Variants in EPS15L1 observed in about 807,000 individuals in gnomAD.
The protein encoded by EPS15L1 is epidermal growth factor receptor pathway substrate 15 like 1, also known as epidermal growth factor receptor substrate 15-like 1.
Under a neutral mutation model 117.1 loss-of-function variants are expected in EPS15L1, and 43 were observed. The ratio of observed to expected loss-of-function variants is 0.37; its 90% CI spans 0.29 to 0.47. The LOEUF is 0.47. Among genes scored for constraint, EPS15L1 ranks in the 20% least tolerant of loss-of-function variants. The pLI is 0.99. For synonymous variants in EPS15L1, 459 were observed against 470.5 expected, an observed-to-expected ratio of 0.98 and a Z score of 0.32; for missense variants, 981 against 1,164.0, an observed-to-expected ratio of 0.84 and a Z score of 2.29.
intron 22 of EPS15L1, among the ~76,000 whole-genome samples, chr19:16,363,262 G>A (rs949559129): frequency 3.3e-5 from 5 of 152,154 alleles, no homozygotes; most frequent in Admixed American, 1.3e-4. Context: ...ACACGATTCC[G>A]GCGTGTTAAC....
chr19:16,358,602 G>T (rs1260346115), intron 23 of EPS15L1, among the ~76,000 whole-genome samples: 1 of 152,048 alleles, frequency 6.6e-6, no homozygotes, highest in Non-Finnish European at 1.5e-5. Flanking sequence ...ATTTTCAGAA[G>T]CAAATAAGTG....
chr19:16,445,243 C>T (rs1438015745), intron 1 of EPS15L1, among the ~76,000 whole-genome samples: 1 of 152,184 alleles, frequency 6.6e-6, no homozygotes, highest in Admixed American at 6.5e-5. Context: ...GAGCTCCAAC[C>T]TCTGCCCATC....
intron 22 of EPS15L1, among the ~76,000 whole-genome samples, chr19:16,369,251 GCACAGCC>G (rs2092186368): frequency 6.6e-6 from 1 of 152,200 alleles, no homozygotes; most frequent in South Asian, 2.1e-4. Context: ...GTGTCAAGCA[GCACAGCC>G]CCGGGAGATA....
At chr19:16,442,340 G>T in intron 1 of EPS15L1, 121 bp from the exon 2 acceptor site, 1 of 702,306 alleles carries the variant, frequency 1.4e-6, no homozygotes, top group Non-Finnish European at 2.5e-6. Context: ...CAAAATGCAT[G>T]CACTTTAAAC....
At chr19:16,439,062 T>G (rs562612676) in intron 4 of EPS15L1, among the ~76,000 whole-genome samples, 10 of 149,676 alleles carry the variant, frequency 6.7e-5, no homozygotes, top group Non-Finnish European at 1.3e-4. Flanking sequence ...TCACTTAGCT[T>G]GTTTTTTTTC....
In EPS15L1 at chr19:16,428,577, GGAAAA is replaced by G. The variant is rs567923417; in HGVS notation, c.558+120_558+124del. On this transcript the variant is annotated intron_variant, in intron 8 of 23. Coordinates refer to ENST00000455140, the MANE Select transcript of EPS15L1 (RefSeq NM_001258374.3). Reference sequence around the variant, plus strand: ...GAAAGGAAAAGAAAGGAAAAGGAAAGGAAAAGAAAAGAAAAGAAAAGAAAAAAGAA... The same window carrying G: ...GAAAGGAAAAGAAAGGAAAAGGAAAGGAAAAGAAAAGAAAAGAAAAAAGAA... 3.1e-3 allele frequency: 2,051 copies of G among 670,858 alleles called. 28 individuals are homozygous for G. Among genetic ancestry groups the G allele is most frequent in the African/African-American group, 0.03 (1,574 of 52,832 alleles). 41.6% of individuals were successfully genotyped at this position (670,858 alleles called of 1,614,324 possible).
chr19:16,451,247 G>T (rs928870161), intron 1 of EPS15L1, among the ~76,000 whole-genome samples: 11 of 152,040 alleles, frequency 7.2e-5, no homozygotes, highest in Non-Finnish European at 1.3e-4. Context: ...CACCGCGCCC[G>T]CCCAGACTCT....
chr19:16,470,187 G>A (rs1002203652), intron 1 of EPS15L1, among the ~76,000 whole-genome samples: 5 of 151,976 alleles, frequency 3.3e-5, no homozygotes, highest in African/African-American at 1.2e-4. Context: ...TTTGACACGA[G>A]CCTCGCCAAA....
At chr19:16,412,052 T>C (rs545150427) in intron 13 of EPS15L1, among the ~76,000 whole-genome samples, 1 of 152,332 alleles carries the variant, frequency 6.6e-6, no homozygotes, top group Non-Finnish European at 1.5e-5. Context: ...ATAATGTAAA[T>C]GCTATGTAAA....
At chr19:16,380,229 C>G (rs997940881) in intron 21 of EPS15L1, among the ~76,000 whole-genome samples, 3 of 151,898 alleles carry the variant, frequency 2.0e-5, no homozygotes, top group Non-Finnish European at 4.4e-5. Context: ...AAGCGGCCAT[C>G]TAAGGCTCCA....
chr19:16,471,099 C>T lies in EPS15L1; in HGVS notation c.33+814G>A, dbSNP rs907869309. 9.9e-5 allele frequency among the ~76,000 whole-genome samples: 15 copies of T among 152,136 alleles called. No individual in the cohort carries two copies. The highest frequency in any genetic ancestry group is 3.6e-4 in the African/African-American group (15 of 41,436). Reference sequence around the variant, plus strand: ...CAAAATGCTTATATGGTGCTTTGCACAACACAGGTATTCAGCAAATAAAGG... The same window carrying T: ...CAAAATGCTTATATGGTGCTTTGCATAACACAGGTATTCAGCAAATAAAGG... On this transcript the variant is annotated intron_variant, in intron 1 of 23. Coordinates refer to ENST00000455140, the MANE Select transcript of EPS15L1 (RefSeq NM_001258374.3). This position sits in a 1 kb window ranked among gnomAD's most constrained non-coding sequence, Gnocchi z 4.8.
rs532861327 is a variant in EPS15L1 at position 16,365,709 on chromosome 19, C to A, written c.2381-3725G>T. Among the ~76,000 whole-genome samples the A allele has an allele frequency of 6.6e-6, 1 of 152,214 alleles. No individual in the cohort carries two copies. The highest frequency in any genetic ancestry group is 2.4e-5 in the African/African-American group (1 of 41,446). The stretch of plus-strand genomic sequence containing the variant: ...TGCTTCTGCCCAGCTTCTCCCTCCA[C>A]GGGAAAGCCCCCCCTCCCCCAGGGT... On this transcript the variant is annotated intron_variant, in intron 22 of 23. Coordinates refer to ENST00000455140, the MANE Select transcript of EPS15L1 (RefSeq NM_001258374.3). The surrounding 1 kb of genome is among the most constrained non-coding windows in gnomAD (Gnocchi z 4.9).
At chr19:16,392,280 C>T (rs750179589) in intron 19 of EPS15L1, 24 bp downstream of exon 19, 71 of 1,613,452 alleles carry the variant, frequency 4.4e-5, no homozygotes, top group Middle Eastern at 3.3e-4. Flanking sequence ...GCAGCTCTCC[C>T]GGGCAACGTC....
chr19:16,463,465 T>C (rs140616676), intron 1 of EPS15L1, among the ~76,000 whole-genome samples: 3,101 of 152,288 alleles, frequency 0.02, 52 homozygotes, highest in South Asian at 0.057. Context: ...TCACAGAGAC[T>C]GTCTCGGAGC....
chr19:16,418,288 T>C (rs1387832409), intron 10 of EPS15L1, among the ~76,000 whole-genome samples, 184 bp from the exon 11 acceptor site: 1 of 152,062 alleles, frequency 6.6e-6, no homozygotes, highest in Admixed American at 6.5e-5. Flanking sequence ...GGTTCCCCGC[T>C]CCCAGTGTCC....
chr19:16,434,593 C>T lies in EPS15L1; in HGVS notation c.373-103G>A, dbSNP rs530592051. ...CAAGTGAAAATGGCCACGGACCCAT[C>T]ATCACCCTTGGCTAAAAGCACAAAA... is the stretch of plus-strand genomic sequence containing the variant. On this transcript the variant is annotated intron_variant, in intron 6 of 23. Coordinates refer to ENST00000455140, the MANE Select transcript of EPS15L1 (RefSeq NM_001258374.3). 1.1e-4 allele frequency: 133 copies of T among 1,262,338 alleles called. No individual in the cohort carries two copies. The African/African-American group carries it at 1.1e-3, about 11-fold the overall frequency. 78.2% of individuals were successfully genotyped at this position (1,262,338 alleles called of 1,614,324 possible). A position where few individuals can be genotyped will look rare whatever the true frequency, so the allele number is the denominator to read the frequency against.
chr19:16,430,900 G>A (rs2092920959), intron 7 of EPS15L1, among the ~76,000 whole-genome samples: 4 of 152,218 alleles, frequency 2.6e-5, no homozygotes, highest in Admixed American at 2.6e-4. Context: ...ATGGATCATA[G>A]GGATGCGGAG....
rs773160556 is a variant in EPS15L1, at chr19:16,442,134, A to T, written c.75+44T>A. ...CTATTCTGTACTGTGCTTTCAGCTC[A>T]GGCATGCTCTAGTTCCATCTGAAGA... is the stretch of plus-strand genomic sequence containing the variant. On this transcript the variant is annotated intron_variant, in intron 2 of 23. Coordinates refer to ENST00000455140, the MANE Select transcript of EPS15L1 (RefSeq NM_001258374.3). The T allele has an allele frequency of 6.4e-6, 10 of 1,574,052 alleles. No individual in the cohort carries two copies. In the Admixed American group the frequency reaches 8.4e-5, roughly 13 times the overall value.
chr19:16,428,228 G>GA (rs1335235762), intron 8 of EPS15L1, among the ~76,000 whole-genome samples: 36 of 149,378 alleles, frequency 2.4e-4, no homozygotes, highest in Admixed American at 2.3e-3. Flanking sequence ...AAGAAAGAAA[G>GA]AAGGCCAGGC....
Sources: gnomAD v4.1 joint callset for allele counts (sites outside exome capture counted in the v4.1 genomes callset) on GRCh38, gnomAD v4.1.1 for gene constraint, Gnocchi (gnomAD v3.1) non-coding constraint, MANE v1.5 for transcripts, NCBI Gene and HGNC (gene_info 2026-07-23, HGNC 2026-07-21) for gene names.